Variants in GNAQ observed in about 807,000 individuals in gnomAD.
GNAQ encodes the protein guanine nucleotide-binding protein G(q) subunit alpha.
Under a neutral mutation model 43.9 loss-of-function variants are expected in GNAQ, and 8 were observed. That is an observed-to-expected ratio of 0.18 (90% CI 0.11 to 0.33). GNAQ has a LOEUF of 0.33. GNAQ is among the 10% of genes least tolerant of loss of function. The pLI, the probability that GNAQ is intolerant of heterozygous loss-of-function variation, is 1.00. For synonymous variants in GNAQ, 155 were observed against 170.7 expected (o/e 0.91, Z 0.71); for missense variants, 158 against 450.8 (o/e 0.35, Z 5.88).
At chr9:78,022,999 A>G (rs1001341352) in intron 1 of GNAQ, among the ~76,000 whole-genome samples, 71 of 152,212 alleles carry the variant, frequency 4.7e-4, no homozygotes, top group African/African-American at 1.7e-3. Context: ...CAAATCATTA[A>G]GTGAGGAAGA....
chr9:77,998,982 T>G (rs1464537967), intron 1 of GNAQ, among the ~76,000 whole-genome samples: 1 of 150,210 alleles, frequency 6.7e-6, no homozygotes, highest in Non-Finnish European at 1.5e-5. Context: ...TCCCAGCTAC[T>G]TCGGGGGGCT....
rs1171431084 is a variant in GNAQ, at chr9:77,720,289, C to T, written c.*1034G>A. On this transcript the variant is annotated 3_prime_UTR_variant, in exon 7 of 7. Coordinates refer to ENST00000286548, the MANE Select transcript of GNAQ (RefSeq NM_002072.5). ...GATACCAGCTTTTATTTTTTAAGTTCGTATTCATTTTATTTGACAAAAAGC... is the reference window on the plus strand; with the variant it reads ...GATACCAGCTTTTATTTTTTAAGTTTGTATTCATTTTATTTGACAAAAAGC... 2 of 233,000 alleles carry T rather than the reference C, an allele frequency of 8.6e-6. No homozygotes were observed. The highest frequency in any genetic ancestry group is 6.1e-5 in the East Asian group (1 of 16,528). The allele number at this position is 233,000 out of a possible 1,614,324, so 14.4% of individuals were successfully genotyped here.
At chr9:77,841,971 G>A (rs1194746030) in intron 2 of GNAQ, among the ~76,000 whole-genome samples, 2 of 152,136 alleles carry the variant, frequency 1.3e-5, no homozygotes, top group Admixed American at 1.3e-4. Flanking sequence ...TATGATCTAT[G>A]CCAAAATATT....
chr9:77,774,238 A>G (rs1356332712), intron 5 of GNAQ, among the ~76,000 whole-genome samples: 1 of 152,192 alleles, frequency 6.6e-6, no homozygotes, highest in African/African-American at 2.4e-5. Flanking sequence ...CTTTATTTCA[A>G]TGAACTCTTT....
At chr9:77,781,725 A>G (rs1390033500) in intron 5 of GNAQ, among the ~76,000 whole-genome samples, 2 of 152,118 alleles carry the variant, frequency 1.3e-5, no homozygotes, top group African/African-American at 4.8e-5. Flanking sequence ...TTGGAAATCA[A>G]TTAATGAAAT....
chr9:78,030,229 G>A (rs1824032928), intron 1 of GNAQ, among the ~76,000 whole-genome samples: 1 of 152,132 alleles, frequency 6.6e-6, no homozygotes, highest in South Asian at 2.1e-4. Context: ...AGTAACTATT[G>A]TGAACTGAGG....
chr9:77,895,181 G>A (rs1256573700), intron 2 of GNAQ, among the ~76,000 whole-genome samples: 25 of 138,030 alleles, frequency 1.8e-4, no homozygotes, highest in African/African-American at 6.7e-4. Context: ...CTGGGTGACA[G>A]AGCGAGACTC....
At chr9:77,965,101 CTTTT>C (rs398113571) in intron 1 of GNAQ, among the ~76,000 whole-genome samples, 56 of 66,346 alleles carry the variant, frequency 8.4e-4, no homozygotes, top group Admixed American at 4.9e-3. Context: ...TTTATTTCCT[CTTTT>C]TTTATTCCAC....
At chr9:77,779,061 CAATT>C (rs1362640686) in intron 5 of GNAQ, among the ~76,000 whole-genome samples, 7 of 151,930 alleles carry the variant, frequency 4.6e-5, no homozygotes, top group Admixed American at 1.3e-4. Context: ...TGCCATCAAT[CAATT>C]AGATATAATG....
At position 77,818,947 on chromosome 9, in the gene GNAQ, C is replaced by T. The variant is rs116383193; in HGVS notation, c.322-3177G>A. Among the ~76,000 whole-genome samples, 745 of 120,958 alleles carry T rather than the reference C, an allele frequency of 6.2e-3. 11 individuals carry two copies. Among genetic ancestry groups the T allele is most frequent in the African/African-American group, 0.023 (710 of 31,246 alleles). 79.4% of individuals were successfully genotyped at this position (120,958 alleles called of 152,430 possible). A position where few individuals can be genotyped will look rare whatever the true frequency, so the allele number is the denominator to read the frequency against. ...CCCAGGAGTTCAAGGTTACAGTGAG[C>T]TATGATAGCACCACGGCATTCCAGC... On this transcript the variant is annotated intron_variant, in intron 2 of 6. Transcript: ENST00000286548.
intron 1 of GNAQ, among the ~76,000 whole-genome samples, chr9:78,019,311 T>C (rs1307660023): frequency 6.6e-6 from 1 of 152,184 alleles, no homozygotes; most frequent in Admixed American, 6.5e-5. Context: ...GATAACATCT[T>C]AGATGGTAAC....
At chr9:77,729,963 C>T (rs1825462795) in intron 5 of GNAQ, among the ~76,000 whole-genome samples, 1 of 152,164 alleles carries the variant, frequency 6.6e-6, no homozygotes, top group Admixed American at 6.5e-5. Context: ...AGCACTTTTG[C>T]TGGGAACTCT....
intron 1 of GNAQ, among the ~76,000 whole-genome samples, chr9:77,975,609 G>A (rs564437991): frequency 2.0e-5 from 3 of 148,358 alleles, no homozygotes; most frequent in South Asian, 2.1e-4. Context: ...GCGCGATCTC[G>A]GTTCACTGCA....
At chr9:77,731,255 T>C (rs943408832) in intron 5 of GNAQ, among the ~76,000 whole-genome samples, 4 of 152,074 alleles carry the variant, frequency 2.6e-5, no homozygotes, top group African/African-American at 7.2e-5. Context: ...TGACTTTGCA[T>C]TGATATAGAA....
rs566307954 is a variant in GNAQ, at chr9:77,894,796, A to G, written c.321+27365T>C. On this transcript the variant is annotated intron_variant, in intron 2 of 6. Coordinates refer to ENST00000286548, the MANE Select transcript of GNAQ (RefSeq NM_002072.5). The stretch of plus-strand genomic sequence containing the variant: ...AATATTATTGTTTTCATTGATCAAG[A>G]GCATTATTTTCCAGAAGTGTTTATT... Among the ~76,000 whole-genome samples, 11 of 138,378 alleles carry G rather than the reference A, an allele frequency of 7.9e-5. No individual in the cohort carries two copies. In the Admixed American group the frequency reaches 8.1e-4, roughly 10 times the overall value. The allele number at this position is 138,378 out of a possible 152,430, so 90.8% of individuals were successfully genotyped here.
chr9:77,828,601 T>G (rs1827244935), intron 2 of GNAQ, among the ~76,000 whole-genome samples: 1 of 152,258 alleles, frequency 6.6e-6, no homozygotes, highest in African/African-American at 2.4e-5. Flanking sequence ...AGTAAATTAC[T>G]TTAGGTCAGA....
chr9:77,931,177 G>A (rs1047377720), intron 1 of GNAQ, among the ~76,000 whole-genome samples: 1 of 148,092 alleles, frequency 6.8e-6, no homozygotes, highest in South Asian at 2.2e-4. Context: ...TAGGACAGCG[G>A]TCCCTGTCCT....
At chr9:77,958,531 A>G (rs1340773484) in intron 1 of GNAQ, among the ~76,000 whole-genome samples, 1 of 152,246 alleles carries the variant, frequency 6.6e-6, no homozygotes, top group African/African-American at 2.4e-5. Flanking sequence ...TAGAAAATTG[A>G]CAGAATGTAA....
chr9:77,819,002 C>CAAAAAAAAAA (rs10547681), intron 2 of GNAQ, among the ~76,000 whole-genome samples: 1 of 45,286 alleles, frequency 2.2e-5, no homozygotes, highest in African/African-American at 1.1e-4. Context: ...ACCATCTCTC[C>CAAAAAAAAAA]AAAAAAAAAA....
Sources: allele counts gnomAD v4.1 joint callset (sites outside exome capture counted in the v4.1 genomes callset), GRCh38; gene constraint gnomAD v4.1.1; transcripts MANE v1.5; gene names NCBI Gene and HGNC (gene_info 2026-07-23, HGNC 2026-07-21).